PAPPA2: variants seen among roughly 807,000 people sequenced by gnomAD.
PAPPA2 encodes the protein pappalysin 2.
PAPPA2 carries 86 observed loss-of-function variants against 176.4 expected under a neutral mutation model. The ratio of observed to expected loss-of-function variants is 0.49; its 90% confidence interval spans 0.41 to 0.58. PAPPA2 has a LOEUF of 0.58. Ranked by LOEUF, PAPPA2 falls within the 20% of genes least tolerant of loss-of-function variation. PAPPA2 has a pLI of 0.00. For missense variants in PAPPA2, 2,073 were observed against 2,256.9 expected (o/e 0.92, Z 1.65); for synonymous variants, 809 against 852.2 (o/e 0.95, Z 0.88).
intron 1 of PAPPA2, among the ~76,000 whole-genome samples, chr1:176,481,252 G>GCACACACACACACA (rs56206580): frequency 1.3e-4 from 18 of 140,312 alleles, no homozygotes; most frequent in South Asian, 2.4e-4. Context: ...AGATTTTAAA[G>GCACACACACACACA]CACACACACA....
chr1:176,615,429 GC>G (rs1205220576), intron 3 of PAPPA2, among the ~76,000 whole-genome samples: 1 of 152,166 alleles, frequency 6.6e-6, no homozygotes, highest in Non-Finnish European at 1.5e-5. Context: ...TCCTGCCTCA[GC>G]CTCCCGAGTA....
At chr1:176,581,300 A>G (rs1412304216) in intron 2 of PAPPA2, among the ~76,000 whole-genome samples, 1 of 152,136 alleles carries the variant, frequency 6.6e-6, no homozygotes, top group African/African-American at 2.4e-5. Context: ...TGGGTTCTCT[A>G]TTATGTTCCA....
chr1:176,798,519 A>G (rs1408505050), intron 20 of PAPPA2, among the ~76,000 whole-genome samples: 1 of 152,210 alleles, frequency 6.6e-6, no homozygotes, highest in Non-Finnish European at 1.5e-5. Flanking sequence ...GTATTTTGCC[A>G]TTGCTACTAT....
chr1:176,839,937 C>A (rs1422868392), intron 21 of PAPPA2, among the ~76,000 whole-genome samples: 3 of 152,106 alleles, frequency 2.0e-5, no homozygotes, highest in African/African-American at 4.8e-5. Flanking sequence ...GTATCTCAGA[C>A]CTTAGAGTAG....
intron 1 of PAPPA2, among the ~76,000 whole-genome samples, chr1:176,493,759 C>T (rs1379417883): frequency 1.3e-5 from 2 of 152,106 alleles, no homozygotes; most frequent in East Asian, 3.9e-4. Context: ...ATGTCATCCA[C>T]AAGGAAACTC....
At chr1:176,665,589 TTTTTTTTATGAAG>T (rs1658596505) in intron 3 of PAPPA2, among the ~76,000 whole-genome samples, 1 of 151,848 alleles carries the variant, frequency 6.6e-6, no homozygotes, top group Non-Finnish European at 1.5e-5. Context: ...GATTTACAAA[TTTTTTTTATGAAG>T]TTTAGTTTCT....
chr1:176,531,347 C>G (rs1385671727), intron 1 of PAPPA2, among the ~76,000 whole-genome samples: 1 of 152,186 alleles, frequency 6.6e-6, no homozygotes, highest in Non-Finnish European at 1.5e-5. Flanking sequence ...ACTTCCTGAA[C>G]AAGGCTGGGA....
At chr1:176,752,445 A>G (rs1170718586) in intron 14 of PAPPA2, among the ~76,000 whole-genome samples, 1 of 151,976 alleles carries the variant, frequency 6.6e-6, no homozygotes, top group African/African-American at 2.4e-5. Flanking sequence ...AAAACTGAAC[A>G]TATACATATA....
chr1:176,739,314 T>C lies in PAPPA2; in HGVS notation c.3799-312T>C, dbSNP rs573514249. Among the ~76,000 whole-genome samples, 6 of 152,302 alleles carry C rather than the reference T, an allele frequency of 3.9e-5. No homozygotes were observed. The East Asian group carries it at 9.7e-4, about 25-fold the overall frequency. ...AGTCATTTATTGTCTCTGGCAATGG[T>C]TTCTTTAAATGATTGTTTTCAGAAA... On this transcript the variant is annotated intron_variant, in intron 12 of 22. Coordinates refer to ENST00000367662, the MANE Select transcript of PAPPA2 (RefSeq NM_020318.3).
intron 20 of PAPPA2, among the ~76,000 whole-genome samples, chr1:176,795,707 C>A (rs1665398185): frequency 6.6e-6 from 1 of 152,110 alleles, no homozygotes; most frequent in African/African-American, 2.4e-5. Flanking sequence ...TTCATAAATT[C>A]ATTTTTCCAC....
chr1:176,570,723 C>T (rs116786399), intron 2 of PAPPA2, among the ~76,000 whole-genome samples: 5 of 150,452 alleles, frequency 3.3e-5, no homozygotes, highest in African/African-American at 7.3e-5. Flanking sequence ...CAGGTGACAG[C>T]CAGGTGCCAT....
intron 3 of PAPPA2, among the ~76,000 whole-genome samples, chr1:176,623,967 A>G (rs1655861870): frequency 6.6e-6 from 1 of 151,630 alleles, no homozygotes; most frequent in South Asian, 2.1e-4. Flanking sequence ...CAGCCCCCCA[A>G]GTAGCTGGGG....
At chr1:176,779,088 A>G (rs1664590730) in intron 17 of PAPPA2, among the ~76,000 whole-genome samples, 1 of 152,068 alleles carries the variant, frequency 6.6e-6, no homozygotes. Flanking sequence ...ATTAACTTCA[A>G]CCTCAAACTA....
At chr1:176,680,747 T>G (rs933510701) in intron 4 of PAPPA2, among the ~76,000 whole-genome samples, 1 of 152,150 alleles carries the variant, frequency 6.6e-6, no homozygotes, top group African/African-American at 2.4e-5. Flanking sequence ...AAACAAATAC[T>G]TGGGAAATGT....
intron 12 of PAPPA2, among the ~76,000 whole-genome samples, chr1:176,735,124 C>G (rs1662336585): frequency 6.6e-6 from 1 of 152,008 alleles, no homozygotes; most frequent in African/African-American, 2.4e-5. Flanking sequence ...GTAATATATC[C>G]TTTATATCTT....
chr1:176,522,630 T>TTC (rs891227974), intron 1 of PAPPA2, among the ~76,000 whole-genome samples: 31 of 152,186 alleles, frequency 2.0e-4, no homozygotes, highest in African/African-American at 6.5e-4. Flanking sequence ...CCCAGTGCTG[T>TTC]TCTCTCTCTC....
intron 1 of PAPPA2, among the ~76,000 whole-genome samples, chr1:176,512,954 C>A (rs1648695716): frequency 6.6e-6 from 1 of 152,100 alleles, no homozygotes; most frequent in Non-Finnish European, 1.5e-5. Context: ...TGATGAATTT[C>A]TACAACAGTT....
Position 176,710,177 on chromosome 1 carries a change from G to A in PAPPA2, c.3651+1G>A, listed in dbSNP as rs760310345. On this transcript the variant is annotated splice_donor_variant, in intron 11 of 22. Coordinates refer to ENST00000367662, the MANE Select transcript of PAPPA2 (RefSeq NM_020318.3). LOFTEE classifies it high-confidence loss of function. ...GGTAACTGGAGAACCTCATTCCCTA[G>A]TAAGTTAAGCCAGATGAATAGAGTC... 1.9e-6 allele frequency: 3 copies of A among 1,612,820 alleles called. No homozygotes were observed. The highest frequency in any genetic ancestry group is 3.3e-5 in the Admixed American group (2 of 59,902).
chr1:176,472,381 C>T (rs1209051538), intron 1 of PAPPA2, among the ~76,000 whole-genome samples: 1 of 152,084 alleles, frequency 6.6e-6, no homozygotes, highest in Non-Finnish European at 1.5e-5. Flanking sequence ...CATCTTTGGC[C>T]AATGAGAGCT....
Sources: gnomAD v4.1 joint callset for allele counts (sites outside exome capture counted in the v4.1 genomes callset) on GRCh38, gnomAD v4.1.1 for gene constraint, MANE v1.5 for transcripts, NCBI Gene and HGNC (gene_info 2026-07-23, HGNC 2026-07-21) for gene names.